Variants in SVOP observed in about 807,000 individuals in gnomAD.
The protein encoded by SVOP is SV2 related protein.
SVOP carries 17 observed loss-of-function variants against 69.1 expected under a neutral mutation model. That is an observed-to-expected ratio of 0.25 (90% CI 0.17 to 0.37). SVOP has a LOEUF of 0.37. SVOP is among the 10% of genes least tolerant of loss of function. The pLI is 1.00. For missense variants in SVOP, 435 were observed against 597.5 expected, an observed-to-expected ratio of 0.73 and a Z score of 2.84; for synonymous variants, 238 against 238.6, an observed-to-expected ratio of 1.00 and a Z score of 0.02.
intron 12 of SVOP, among the ~76,000 whole-genome samples, chr12:108,920,889 G>A (rs1399549400): frequency 6.6e-6 from 1 of 152,078 alleles, no homozygotes; most frequent in African/African-American, 2.4e-5. Context: ...GAGCCACCAT[G>A]CCCGGCCCCA....
intron 1 of SVOP, among the ~76,000 whole-genome samples, chr12:109,017,953 A>G (rs2040376944): frequency 6.6e-6 from 1 of 152,178 alleles, no homozygotes; most frequent in Non-Finnish European, 1.5e-5. Context: ...TTAAATTTAA[A>G]TAGCCACATG....
At chr12:108,993,152 C>A (rs1223688763) in intron 1 of SVOP, among the ~76,000 whole-genome samples, 5 of 151,998 alleles carry the variant, frequency 3.3e-5, no homozygotes, top group Non-Finnish European at 7.4e-5. Context: ...GGATTACAGG[C>A]ACGCACCACC....
chr12:108,933,480 C>T (rs2039835238), intron 11 of SVOP, among the ~76,000 whole-genome samples: 1 of 151,562 alleles, frequency 6.6e-6, no homozygotes, highest in Non-Finnish European at 1.5e-5. Flanking sequence ...GAGTTTGAGA[C>T]CTGCCTGGCC....
At chr12:108,997,758 T>A (rs536183980) in intron 1 of SVOP, among the ~76,000 whole-genome samples, 2 of 151,530 alleles carry the variant, frequency 1.3e-5, no homozygotes, top group East Asian at 3.9e-4. Flanking sequence ...GTCCTGTCTG[T>A]TAGAAGGAAA....
rs757622412 is a variant in SVOP at position 108,938,926 on chromosome 12, C to T, written c.798G>A (p.Val266=). The T allele has an allele frequency of 1.9e-6, 3 of 1,614,002 alleles. No homozygotes were observed. Among genetic ancestry groups the T allele is most frequent in the Non-Finnish European group, 2.5e-6 (3 of 1,179,886 alleles). The change falls in exon 9 of 16, where the codon GTG becomes GTA. Residue 266 remains valine (V), a synonymous_variant. Transcript: ENST00000610966. ...TTGCCTTTTCCTGGTTCCCTGACAG[C>T]ACATCATACCTTGCACTTTCAGGCA... ...FWLPESARYD[V]LSGNQEKAIA... is the part of the protein sequence containing the mutation.
rs1245921150 is a variant in SVOP, at chr12:108,982,275, A to AC, written c.196+1325dup. 6.9e-4 allele frequency among the ~76,000 whole-genome samples: 96 copies of AC among 139,570 alleles called. No homozygotes were observed. In the East Asian group the frequency reaches 0.016, roughly 23 times the overall value. The allele number at this position is 139,570 out of a possible 152,430, so 91.6% of individuals were successfully genotyped here. On this transcript the variant is annotated intron_variant, in intron 2 of 15. Transcript: ENST00000610966. ...TATCACCACAATCATCATCATCACC[A>AC]CACTATCATCACCATCATCACCACC...
chr12:108,973,520 T>A (rs1305379681), intron 4 of SVOP, among the ~76,000 whole-genome samples: 1 of 152,082 alleles, frequency 6.6e-6, no homozygotes, highest in Non-Finnish European at 1.5e-5. Context: ...GCCTCCTGAG[T>A]AGGGGAGACT....
intron 6 of SVOP, among the ~76,000 whole-genome samples, chr12:108,952,301 C>G (rs527306339): frequency 1.5e-4 from 19 of 125,362 alleles, no homozygotes; most frequent in Non-Finnish European, 2.5e-4. Flanking sequence ...GTGGTACGAT[C>G]TTGGCTCACC....
intron 14 of SVOP, 31 bp downstream of exon 14, chr12:108,918,012 T>C (rs2039724870): frequency 1.3e-6 from 2 of 1,521,756 alleles, no homozygotes; most frequent in East Asian, 4.9e-5. Context: ...CCACTGCCCG[T>C]TCCCCAGCAG....
At chr12:108,995,329 A>G (rs1399300929) in intron 1 of SVOP, among the ~76,000 whole-genome samples, 1 of 152,180 alleles carries the variant, frequency 6.6e-6, no homozygotes, top group African/African-American at 2.4e-5. Flanking sequence ...AAAGAAAGGA[A>G]ATTGTGACAC....
At chr12:108,967,730 TTGGCCCCTATGC>T (rs1407368902) in intron 5 of SVOP, among the ~76,000 whole-genome samples, 1 of 152,150 alleles carries the variant, frequency 6.6e-6, no homozygotes, top group Non-Finnish European at 1.5e-5. Flanking sequence ...AGCAGAATCC[TTGGCCCCTATGC>T]ACTGGATGCC....
intron 4 of SVOP, among the ~76,000 whole-genome samples, chr12:108,972,752 C>T (rs1028300350): frequency 3.9e-5 from 6 of 152,178 alleles, no homozygotes; most frequent in Non-Finnish European, 7.3e-5. Context: ...CGTTAAGTGG[C>T]GCAGCCTGCG....
intron 14 of SVOP, among the ~76,000 whole-genome samples, chr12:108,917,315 T>G (rs2039720044): frequency 6.6e-6 from 1 of 152,226 alleles, no homozygotes; most frequent in East Asian, 1.9e-4. Context: ...ACATACTTCT[T>G]CAGTGCATAC....
chr12:108,938,689 C>T lies in SVOP; in HGVS notation c.897+138G>A, dbSNP rs771684162. On this transcript the variant is annotated intron_variant, in intron 9 of 15. Coordinates refer to ENST00000610966, the MANE Select transcript of SVOP (RefSeq NM_018711.5). ...CCTGTCTACTGGGCCCTCATCTGCT[C>T]CATGTGCACGCACACACCCCACCTT... 35 of 1,398,046 alleles carry T rather than the reference C, an allele frequency of 2.5e-5. 1 individual carries two copies. In the South Asian group the frequency reaches 3.7e-4, roughly 15 times the overall value. The allele number at this position is 1,398,046 out of a possible 1,614,324, so 86.6% of individuals were successfully genotyped here.
intron 7 of SVOP, among the ~76,000 whole-genome samples, chr12:108,943,287 T>C (rs1052780710): frequency 2.0e-5 from 3 of 151,592 alleles, no homozygotes; most frequent in African/African-American, 4.8e-5. Flanking sequence ...CAACAAGTAA[T>C]GCACTGATTA....
intron 13 of SVOP, among the ~76,000 whole-genome samples, chr12:108,919,304 T>TACCCACACCTGGGCCTGC (rs144401391): frequency 7.1e-6 from 1 of 141,086 alleles, no homozygotes; most frequent in Non-Finnish European, 1.5e-5. Flanking sequence ...CTTGGGCCAA[T>TACCCACACCTGGGCCTGC]ACCCACACCT....
intron 1 of SVOP, among the ~76,000 whole-genome samples, chr12:109,006,399 AAGG>A (rs1243217779): frequency 1.3e-5 from 2 of 152,236 alleles, no homozygotes; most frequent in Non-Finnish European, 2.9e-5. Context: ...TAGGTATGGC[AAGG>A]CTGAGAAATC....
At chr12:108,912,910 C>G (rs1384494483) in intron 15 of SVOP, among the ~76,000 whole-genome samples, 169 bp from the exon 16 acceptor site, 3 of 152,068 alleles carry the variant, frequency 2.0e-5, no homozygotes, top group Admixed American at 2.0e-4. Context: ...TTGTGACACG[C>G]CTGCCCCTCC....
intron 1 of SVOP, among the ~76,000 whole-genome samples, chr12:109,004,360 T>A (rs2040291970): frequency 6.6e-6 from 1 of 151,722 alleles, no homozygotes; most frequent in Non-Finnish European, 1.5e-5. Context: ...ACCATAGAAT[T>A]TTCCTCGGTA....
Sources: allele counts gnomAD v4.1 joint callset (sites outside exome capture counted in the v4.1 genomes callset), GRCh38; gene constraint gnomAD v4.1.1; transcripts MANE v1.5; gene names NCBI Gene and HGNC (gene_info 2026-07-23, HGNC 2026-07-21).